Variants in SPATA13 observed in about 807,000 individuals in gnomAD.
SPATA13 encodes spermatogenesis-associated protein 13.
In SPATA13, 50 loss-of-function variants were observed where a neutral mutation model predicts 104.0. The observed-to-expected ratio is 0.48, with a 90% CI of 0.38 to 0.61. SPATA13 has a LOEUF of 0.61. Ranked by LOEUF, SPATA13 falls within the 20% of genes least tolerant of loss-of-function variation. SPATA13 has a pLI of 0.00. For synonymous variants in SPATA13, 606 were observed against 667.5 expected (o/e 0.91, Z 1.42); for missense variants, 1,524 against 1,690.6 (o/e 0.90, Z 1.73).
In SPATA13 at chr13:24,169,814, TC is replaced by T. The variant is rs535785048; in HGVS notation, c.-112+8886del. On this transcript the variant is annotated intron_variant, in intron 1 of 12. Coordinates refer to ENST00000382108, the MANE Select transcript of SPATA13 (RefSeq NM_001166271.3). ...CAGAGGTTTCAGGTGGCTCAGTGAG[TC>T]CCCACTCTCCTCTCCTGCCTGGCTG... Among the ~76,000 whole-genome samples, 21 of 152,120 alleles carry T rather than the reference TC, an allele frequency of 1.4e-4. No homozygotes were observed. The East Asian group carries it at 4.1e-3, about 29-fold the overall frequency.
In SPATA13 at chr13:24,044,752, T is replaced by A. The variant is rs1878068316; in HGVS notation, c.-112+27051T>A. 2.6e-5 allele frequency among the ~76,000 whole-genome samples: 4 copies of A among 152,300 alleles called. No homozygotes were observed. In the Middle Eastern group the frequency reaches 0.01, roughly 389 times the overall value. On this transcript the variant is annotated intron_variant, in intron 3 of 14. Coordinates refer to the SPATA13 transcript ENST00000424834. ...TAACTATAGTCATTTGCAATGTGGA[T>A]GAACCTAGAGGACATTATGTTAAGT...
intron 3 of SPATA13, among the ~76,000 whole-genome samples, chr13:24,037,575 A>C (rs967766016): frequency 9.9e-5 from 15 of 151,278 alleles, no homozygotes; most frequent in African/African-American, 3.4e-4. Context: ...ACACCTGGCT[A>C]ATTTTTGTAT....
At chr13:23,987,169 T>C (rs965434845) in intron 2 of SPATA13, among the ~76,000 whole-genome samples, 1 of 152,158 alleles carries the variant, frequency 6.6e-6, no homozygotes, top group African/African-American at 2.4e-5. Context: ...AGCAGATCTC[T>C]TAGTTTATGG....
At chr13:24,167,415 G>A (rs1418229155) in intron 1 of SPATA13, among the ~76,000 whole-genome samples, 3 of 152,200 alleles carry the variant, frequency 2.0e-5, no homozygotes, top group Non-Finnish European at 4.4e-5. Flanking sequence ...AATTCTGTAA[G>A]CTAATCCCAG....
chr13:24,058,384 C>T (rs942872), intron 3 of SPATA13, among the ~76,000 whole-genome samples: 2,003 of 151,940 alleles, frequency 0.013, 99 homozygotes, highest in East Asian at 0.11. Flanking sequence ...ATCCCTTCAG[C>T]AGGGAATTCT....
At chr13:24,203,432 A>G (rs1009998985) in intron 1 of SPATA13, among the ~76,000 whole-genome samples, 1 of 152,212 alleles carries the variant, frequency 6.6e-6, no homozygotes, top group African/African-American at 2.4e-5. Flanking sequence ...GAAAGCCTCA[A>G]AAGCGCTAGC....
rs79064212 is a variant in SPATA13, at chr13:24,069,787, A to G, written c.-112+52086A>G. ...ATTCTGTTATTCATGTAATATTACC[A>G]GTTCAATAATTCTATCATTTGTACA... On this transcript the variant is annotated intron_variant, in intron 3 of 14. Transcript: ENST00000424834. 3.6e-3 allele frequency among the ~76,000 whole-genome samples: 549 copies of G among 152,338 alleles called. 15 individuals are homozygous for G. The East Asian group carries it at 0.062, about 17-fold the overall frequency.
intron 11 of SPATA13, among the ~76,000 whole-genome samples, chr13:24,299,631 G>A (rs1166293258): frequency 6.6e-6 from 1 of 152,158 alleles, no homozygotes; most frequent in Non-Finnish European, 1.5e-5. Context: ...AGGGAGCCTC[G>A]GGAGCGAGCC....
At chr13:23,989,037 T>C (rs1875284775) in intron 2 of SPATA13, among the ~76,000 whole-genome samples, 1 of 152,178 alleles carries the variant, frequency 6.6e-6, no homozygotes, top group African/African-American at 2.4e-5. Context: ...TCCAGTGCAG[T>C]AGTCCATTTA....
chr13:24,175,822 G>C (rs937781250), intron 1 of SPATA13, among the ~76,000 whole-genome samples: 1 of 152,192 alleles, frequency 6.6e-6, no homozygotes, highest in African/African-American at 2.4e-5. Context: ...TCCCACAGGA[G>C]AGAAACTTTA....
intron 3 of SPATA13, among the ~76,000 whole-genome samples, chr13:24,054,682 G>A (rs770642332): frequency 2.4e-4 from 37 of 152,078 alleles, no homozygotes; most frequent in Non-Finnish European, 4.7e-4. Flanking sequence ...TAATAGTAGC[G>A]CACCGTTAAT....
At chr13:24,050,063 G>A (rs1878288236) in intron 3 of SPATA13, among the ~76,000 whole-genome samples, 2 of 152,168 alleles carry the variant, frequency 1.3e-5, no homozygotes, top group Middle Eastern at 3.4e-3. Flanking sequence ...AGTAGAGATA[G>A]GGTTTCACTG....
chr13:24,128,907 T>A (rs1262035838), intron 3 of SPATA13, among the ~76,000 whole-genome samples: 1 of 152,170 alleles, frequency 6.6e-6, no homozygotes. Context: ...TTTTTATACT[T>A]TTTTTTCTCA....
chr13:24,125,971 G>C (rs1205916746), intron 3 of SPATA13, among the ~76,000 whole-genome samples: 1 of 152,194 alleles, frequency 6.6e-6, no homozygotes, highest in Non-Finnish European at 1.5e-5. Flanking sequence ...AGCTGCCTTT[G>C]GCTCTGCTCC....
chr13:23,984,546 G>A (rs1875057482), intron 2 of SPATA13, among the ~76,000 whole-genome samples: 1 of 152,162 alleles, frequency 6.6e-6, no homozygotes, highest in Non-Finnish European at 1.5e-5. Flanking sequence ...GCTGTGGTCT[G>A]TGTCATCCTC....
Position 24,021,716 on chromosome 13 carries a change from CT to C in SPATA13, c.-112+4028del, listed in dbSNP as rs574935275. ...TACTCTGTGAAGGTTGTTGGAAAAT[CT>C]TTTTTTTTTTTTGAGATGGAGTCTC... On this transcript the variant is annotated intron_variant, in intron 3 of 14. Coordinates refer to the SPATA13 transcript ENST00000424834. 2.0e-3 allele frequency among the ~76,000 whole-genome samples: 291 copies of C among 144,796 alleles called. 1 individual carries two copies. The highest frequency in any genetic ancestry group is 2.1e-3 in the African/African-American group (82 of 39,644). 95.0% of individuals were successfully genotyped at this position (144,796 alleles called of 152,430 possible). A position where few individuals can be genotyped will look rare whatever the true frequency, so the allele number is the denominator to read the frequency against.
intron 3 of SPATA13, among the ~76,000 whole-genome samples, chr13:24,037,195 G>A (rs946176663): frequency 8.3e-6 from 1 of 120,638 alleles, no homozygotes; most frequent in Non-Finnish European, 1.6e-5. Context: ...ACACATCGGG[G>A]CCTGTCATAG....
rs71186818 is a variant in SPATA13 at position 24,228,108 on chromosome 13, C to CTTTT, written c.1653+3546_1653+3549dup. Among the ~76,000 whole-genome samples, 78 of 102,262 alleles carry CTTTT rather than the reference C, an allele frequency of 7.6e-4. 1 individual carries two copies. The highest frequency in any genetic ancestry group is 1.8e-3 in the African/African-American group (38 of 21,348). 67.1% of individuals were successfully genotyped at this position (102,262 alleles called of 152,430 possible). Reference sequence around the variant, plus strand: ...AATAGGGTTTCTCCCCTCTTGTACTCTTTTTTTTTTTTTTTTTTTTTTTGA... The same window carrying CTTTT: ...AATAGGGTTTCTCCCCTCTTGTACTCTTTTTTTTTTTTTTTTTTTTTTTTTTTGA... On this transcript the variant is annotated intron_variant, in intron 2 of 12. Coordinates refer to ENST00000382108, the MANE Select transcript of SPATA13 (RefSeq NM_001166271.3).
chr13:24,129,777 A>C (rs144279514), intron 3 of SPATA13, among the ~76,000 whole-genome samples: 1 of 152,204 alleles, frequency 6.6e-6, no homozygotes, highest in African/African-American at 2.4e-5. Flanking sequence ...TCAGCTTACC[A>C]TGTGGCCAAA....
Sources: gnomAD v4.1 joint callset for allele counts (sites outside exome capture counted in the v4.1 genomes callset) on GRCh38, gnomAD v4.1.1 for gene constraint, MANE v1.5 for transcripts, NCBI Gene and HGNC (gene_info 2026-07-23, HGNC 2026-07-21) for gene names.